ZMYM1: variants seen among roughly 807,000 people sequenced by gnomAD.
ZMYM1 encodes zinc finger MYM-type protein 1.
A neutral mutation model predicts 60.0 loss-of-function variants in ZMYM1; 39 were observed. That is an observed-to-expected ratio of 0.65 (90% CI 0.50 to 0.85). The LOEUF (loss-of-function observed/expected upper bound fraction) is 0.85. Among genes scored for constraint, ZMYM1 ranks in the 40% least tolerant of loss-of-function variants. ZMYM1 has a pLI of 0.00. For synonymous variants in ZMYM1, 413 were observed against 454.0 expected, an observed-to-expected ratio of 0.91 and a Z score of 1.15; for missense variants, 1,171 against 1,309.5, an observed-to-expected ratio of 0.89 and a Z score of 1.63.
At chr1:35,102,837 C>T (rs530789190) in intron 4 of ZMYM1, among the ~76,000 whole-genome samples, 5 of 152,278 alleles carry the variant, frequency 3.3e-5, no homozygotes, top group African/African-American at 4.8e-5. Context: ...CCTGTGTTGT[C>T]ACACGGAATT....
intron 1 of ZMYM1, among the ~76,000 whole-genome samples, chr1:35,088,454 A>ATATATATATG (rs1464546786): frequency 3.2e-3 from 348 of 107,234 alleles, no homozygotes; most frequent in African/African-American, 3.6e-3. Flanking sequence ...ATATATATAT[A>ATATATATATG]TGTGTGTGTG....
intron 1 of ZMYM1, among the ~76,000 whole-genome samples, chr1:35,091,426 G>A (rs1416865025): frequency 2.6e-5 from 4 of 152,160 alleles, no homozygotes; most frequent in Admixed American, 6.5e-5. Context: ...TGTTAGCCAG[G>A]ATGATCTTGA....
Position 35,114,429 on chromosome 1 carries a change from C to G in ZMYM1, c.2599C>G (p.Arg867Gly). ...EFVFCLKFLY[R>G]VLSVTGILSK... ...TGTCTTTTGTTTGAAATTCCTGTAT[C>G]GAGTGCTGAGTGTTACAGGAATTCT... is the stretch of plus-strand genomic sequence containing the variant. The change falls in exon 10 of 10, where the codon CGA becomes GGA. Residue 867 changes from arginine to glycine, a missense_variant. Arg to Gly is a moderately radical substitution (Grantham distance 125). Coordinates refer to ENST00000359858, the MANE Select transcript of ZMYM1 (RefSeq NM_024772.5). 1.2e-6 allele frequency: 2 copies of G among 1,613,420 alleles called. No homozygotes were observed. The highest frequency in any genetic ancestry group is 2.2e-5 in the South Asian group (2 of 91,016).
intron 4 of ZMYM1, among the ~76,000 whole-genome samples, chr1:35,102,003 C>A (rs1029710884): frequency 1.3e-5 from 2 of 151,964 alleles, no homozygotes; most frequent in Non-Finnish European, 1.5e-5. Context: ...TGAAAAATAC[C>A]CATATTTTTA....
At chr1:35,107,140 C>T (rs1259191532) in intron 6 of ZMYM1, among the ~76,000 whole-genome samples, 19 of 149,442 alleles carry the variant, frequency 1.3e-4, no homozygotes, top group African/African-American at 4.2e-4. Context: ...TGTGAGCCAC[C>T]GCGCCTGGCC....
chr1:35,095,874 C>G lies in ZMYM1; in HGVS notation c.152C>G (p.Ala51Gly). Residue 51 changes from alanine (A) to glycine (G), a missense_variant, in exon 3 of 10, where the codon GCT (alanine) becomes GGT (glycine). Coordinates refer to ENST00000359858, the MANE Select transcript of ZMYM1 (RefSeq NM_024772.5). ...RTQENELKIN[A>G]VFSESASQLT... Reference sequence around the variant, plus strand: ...CAGGAGAATGAACTGAAAATAAATGCTGTGTTTTCAGAGAGTGGTAATAGA... The same window carrying G: ...CAGGAGAATGAACTGAAAATAAATGGTGTGTTTTCAGAGAGTGGTAATAGA... 3 of 1,608,150 alleles carry G rather than the reference C, an allele frequency of 1.9e-6. No homozygotes were observed. Among genetic ancestry groups the G allele is most frequent in the Non-Finnish European group, 1.7e-6 (2 of 1,176,046 alleles).
chr1:35,112,112 A>C lies in ZMYM1; in HGVS notation c.1128A>C (p.Thr376=). ...ATACAGTTTCTTCAGTAACAGCAAC[A>C]GCAGATGTCATTGTGGATGTAAGTT... ...LQDTVSSVTA[T]ADVIVDLSKS... The change falls in exon 9 of 10, where the codon ACA becomes ACC. Residue 376 remains threonine (T), a synonymous_variant. Coordinates refer to ENST00000359858, the MANE Select transcript of ZMYM1 (RefSeq NM_024772.5). 6.2e-7 allele frequency: 1 copy of C among 1,613,670 alleles called. No homozygotes were observed. The highest frequency in any genetic ancestry group is 8.5e-7 in the Non-Finnish European group (1 of 1,179,798).
chr1:35,088,174 CTT>C (rs1001497388), intron 1 of ZMYM1, among the ~76,000 whole-genome samples: 2 of 151,956 alleles, frequency 1.3e-5, no homozygotes, highest in African/African-American at 4.8e-5. Flanking sequence ...AATCCCAACA[CTT>C]TGGGTGGCCG....
At chr1:35,092,416 T>C (rs1404135565) in intron 1 of ZMYM1, among the ~76,000 whole-genome samples, 1 of 150,728 alleles carries the variant, frequency 6.6e-6, no homozygotes, top group Admixed American at 6.7e-5. Context: ...TTTTTTTGTA[T>C]TTTTAGTAGA....
chr1:35,094,372 C>T (rs1643196266), intron 2 of ZMYM1, among the ~76,000 whole-genome samples: 3 of 152,210 alleles, frequency 2.0e-5, no homozygotes, highest in South Asian at 4.1e-4. Context: ...TTGCCAGATT[C>T]TACTTCCAGA....
At chr1:35,097,647 CTTTTTT>C (rs1435252482) in intron 4 of ZMYM1, 81 bp downstream of exon 4, 1 of 1,553,386 alleles carries the variant, frequency 6.4e-7, no homozygotes, top group Non-Finnish European at 8.8e-7. Context: ...TCTACATTTT[CTTTTTT>C]TATTTTTTGA....
intron 4 of ZMYM1, among the ~76,000 whole-genome samples, chr1:35,103,816 G>C (rs185913167): frequency 1.3e-5 from 2 of 152,330 alleles, no homozygotes; most frequent in East Asian, 3.9e-4. Flanking sequence ...GGGATTTGAA[G>C]ACCATATTTT....
chr1:35,082,517 G>C (rs1184443167), intron 1 of ZMYM1, among the ~76,000 whole-genome samples: 1 of 151,232 alleles, frequency 6.6e-6, no homozygotes, highest in African/African-American at 2.4e-5. Flanking sequence ...TTTTGGTAGA[G>C]ATGGGGTTTC....
intron 1 of ZMYM1, among the ~76,000 whole-genome samples, chr1:35,091,979 G>A (rs1458212053): frequency 6.6e-6 from 1 of 151,766 alleles, no homozygotes; most frequent in Non-Finnish European, 1.5e-5. Flanking sequence ...AGGCTGGAGT[G>A]CAATGGCACA....
At position 35,097,457 on chromosome 1, in the gene ZMYM1, C is replaced by G. The variant is rs1427956614; in HGVS notation, c.310C>G (p.Gln104Glu). ...KILQKGQTAY[Q>E]RKGSAQLFCS... ...TCTCCAGAAGGGGCAAACTGCTTAT[C>G]AGAGGAAAGGATCTGCTCAACTTTT... is the stretch of plus-strand genomic sequence containing the variant. The change falls in exon 4 of 10, where the codon CAG becomes GAG. Residue 104 changes from glutamine to glutamate, a missense_variant. By Grantham distance (29) the Gln-to-Glu change is conservative. Coordinates refer to ENST00000359858, the MANE Select transcript of ZMYM1 (RefSeq NM_024772.5). 6.2e-7 allele frequency: 1 copy of G among 1,614,140 alleles called. No homozygotes were observed. The highest frequency in any genetic ancestry group is 8.5e-7 in the Non-Finnish European group (1 of 1,180,014).
chr1:35,080,314 CTTTTTTTTT>C (rs35214559), intron 1 of ZMYM1, among the ~76,000 whole-genome samples: 1 of 125,512 alleles, frequency 8.0e-6, no homozygotes, highest in African/African-American at 3.2e-5. Context: ...ATTTGTGCTT[CTTTTTTTTT>C]TTTTTTTTTT....
intron 6 of ZMYM1, among the ~76,000 whole-genome samples, chr1:35,108,222 G>C (rs1171664431): frequency 1.3e-5 from 2 of 152,128 alleles, no homozygotes; most frequent in African/African-American, 4.8e-5. Context: ...TACTAATAAA[G>C]GATAAAAATA....
At chr1:35,095,374 G>A (rs1229752601) in intron 2 of ZMYM1, among the ~76,000 whole-genome samples, 1 of 151,612 alleles carries the variant, frequency 6.6e-6, no homozygotes, top group African/African-American at 2.4e-5. Flanking sequence ...TGTGCCTGTA[G>A]TCTCAGCTAC....
At chr1:35,094,359 C>A (rs1643194801) in intron 2 of ZMYM1, among the ~76,000 whole-genome samples, 1 of 152,092 alleles carries the variant, frequency 6.6e-6, no homozygotes, top group Non-Finnish European at 1.5e-5. Context: ...CACTTTTTTT[C>A]TTTTGCCAGA....
Sources: gnomAD v4.1 joint callset for allele counts (sites outside exome capture counted in the v4.1 genomes callset) on GRCh38, gnomAD v4.1.1 for gene constraint, MANE v1.5 for transcripts, NCBI Gene and HGNC (gene_info 2026-07-23, HGNC 2026-07-21) for gene names.